CCDC32: variants seen among roughly 807,000 people sequenced by gnomAD.
CCDC32 encodes coiled-coil domain containing 32, also known as coiled-coil domain-containing protein 32.
CCDC32 carries 9 observed loss-of-function variants against 20.1 expected under a neutral mutation model. The ratio of observed to expected loss-of-function variants is 0.45; its 90% confidence interval spans 0.27 to 0.78. The LOEUF is 0.78. CCDC32 is among the 30% of genes least tolerant of loss of function. The pLI, the probability that CCDC32 is intolerant of heterozygous loss-of-function variation, is 0.16. For missense variants in CCDC32, 204 were observed against 215.5 expected, an observed-to-expected ratio of 0.95 and a Z score of 0.33; for synonymous variants, 63 against 79.0, an observed-to-expected ratio of 0.80 and a Z score of 1.07.
At chr15:40,528,722 G>T in exon 4 of CCDC32, 1 of 700,708 alleles carries the variant, frequency 1.4e-6, no homozygotes, top group Middle Eastern at 2.3e-4. Flanking sequence ...ACAAGCGAAT[G>T]GGAAACTTCT....
At chr15:40,558,099 T>G (rs1421136938) in intron 2 of CCDC32, 1 of 152,212 alleles carries the variant, frequency 6.6e-6, no homozygotes, top group Non-Finnish European at 1.5e-5. Flanking sequence ...GTTTAACAGA[T>G]TTCCCCTTTC....
At chr15:40,564,916 CG>C in intron 1 of CCDC32, 59 bp downstream of exon 1, 2 of 1,101,690 alleles carry the variant, frequency 1.8e-6, no homozygotes, top group Non-Finnish European at 2.7e-6. Flanking sequence ...TGTGGTATTC[CG>C]GGGCCGGGCC....
At chr15:40,526,992 C>T (rs72733469), downstream of CCDC32, among the ~76,000 whole-genome samples, 41,624 of 152,022 alleles carry the variant, frequency 0.27, 6,894 homozygotes, top group Middle Eastern at 0.37. Flanking sequence ...AGCAGTACAC[C>T]GATACAGGAG....
chr15:40,543,709 T>G (rs955565262), intron 3 of CCDC32, among the ~76,000 whole-genome samples: 1 of 152,112 alleles, frequency 6.6e-6, no homozygotes, highest in Non-Finnish European at 1.5e-5. Context: ...CACCTCAGCC[T>G]CCCAAAGTGC....
chr15:40,547,088 G>A (rs1200690597), intron 3 of CCDC32, among the ~76,000 whole-genome samples: 1 of 151,926 alleles, frequency 6.6e-6, no homozygotes, highest in Non-Finnish European at 1.5e-5. Context: ...TGGGAGTGGG[G>A]CTGCCTCTTC....
At chr15:40,559,483 T>C (rs547315677) in intron 2 of CCDC32, among the ~76,000 whole-genome samples, 20 of 152,312 alleles carry the variant, frequency 1.3e-4, no homozygotes, top group Non-Finnish European at 2.5e-4. Context: ...CTTCTCCTTA[T>C]CATCATTAAA....
chr15:40,535,319 T>A, downstream of CCDC32: 1 of 1,241,858 alleles, frequency 8.1e-7, no homozygotes, highest in Non-Finnish European at 1.0e-6. Flanking sequence ...GCCATTATCA[T>A]AGATCTCCAG....
downstream of CCDC32, chr15:40,535,348 T>C: frequency 1.7e-6 from 2 of 1,171,392 alleles, no homozygotes; most frequent in Non-Finnish European, 2.1e-6. Flanking sequence ...TAGCATCTGT[T>C]TTAAAGTCTG....
At chr15:40,532,415 C>A, downstream of CCDC32, 1 of 653,996 alleles carries the variant, frequency 1.5e-6, no homozygotes, top group South Asian at 1.7e-5. Flanking sequence ...GCTGCTACTG[C>A]CATGTAGCAA....
At chr15:40,530,852 T>C (rs1017126688), downstream of CCDC32, among the ~76,000 whole-genome samples, 3 of 151,118 alleles carry the variant, frequency 2.0e-5, 1 homozygote, top group Admixed American at 6.6e-5. Flanking sequence ...GCTGGGATTA[T>C]AGGCGTGCGC....
downstream of CCDC32, among the ~76,000 whole-genome samples, chr15:40,526,029 T>C (rs1320593232): frequency 6.6e-6 from 1 of 150,454 alleles, no homozygotes; most frequent in Non-Finnish European, 1.5e-5. Flanking sequence ...CCACTGAGAG[T>C]GCAGACGAAA....
At chr15:40,552,222 G>A (rs368236129), downstream of CCDC32, among the ~76,000 whole-genome samples, 32 of 151,616 alleles carry the variant, frequency 2.1e-4, 1 homozygote, top group South Asian at 3.1e-3. Flanking sequence ...TGGCTCATGC[G>A]TGTAATCCCA....
downstream of CCDC32, among the ~76,000 whole-genome samples, chr15:40,525,785 A>G (rs1894892925): frequency 1.3e-5 from 2 of 152,220 alleles, 1 homozygote; most frequent in Admixed American, 1.3e-4. Flanking sequence ...CTCAGGGAAT[A>G]CTGGGTGGCC....
At chr15:40,535,000 C>G, downstream of CCDC32, 1 of 703,934 alleles carries the variant, frequency 1.4e-6, no homozygotes, top group Non-Finnish European at 2.6e-6. Flanking sequence ...TTGATCTTCC[C>G]GAGCCCATGC....
chr15:40,539,690 T>C (rs1427440474), intron 3 of CCDC32, among the ~76,000 whole-genome samples: 2 of 152,092 alleles, frequency 1.3e-5, no homozygotes, highest in African/African-American at 4.8e-5. Flanking sequence ...GGAAATTTCC[T>C]TGCCCAATAG....
intron 3 of CCDC32, among the ~76,000 whole-genome samples, chr15:40,542,336 C>T (rs1281929372): frequency 6.6e-6 from 1 of 152,216 alleles, no homozygotes; most frequent in Non-Finnish European, 1.5e-5. Flanking sequence ...TTAAAGCCAA[C>T]CGGGTCTCTC....
At position 40,553,748 on chromosome 15, in the gene CCDC32, G is replaced by A. The variant is rs1156442888; in HGVS notation, c.*223C>T. The stretch of plus-strand genomic sequence containing the variant: ...GTGCACTGGGTCAGTCACTTCATCC[G>A]AGACAGTCACACATGCCAGCCCCAG... On this transcript the variant is annotated 3_prime_UTR_variant, in exon 4 of 4. Coordinates refer to ENST00000416810, the MANE Select transcript of CCDC32 (RefSeq NM_001080792.4). 9.6e-6 allele frequency: 13 copies of A among 1,351,996 alleles called. No individual in the cohort carries two copies. The highest frequency in any genetic ancestry group is 4.4e-5 in the African/African-American group (3 of 68,328). 83.7% of individuals were successfully genotyped at this position (1,351,996 alleles called of 1,614,324 possible).
downstream of CCDC32, chr15:40,539,030 G>T (rs938198143): frequency 1.7e-6 from 1 of 574,860 alleles, no homozygotes; most frequent in Non-Finnish European, 3.1e-6. Context: ...TCTGACTAAA[G>T]CCCTGTCTCT....
intron 2 of CCDC32, among the ~76,000 whole-genome samples, chr15:40,558,665 A>G (rs1530943): frequency 0.88 from 134,420 of 152,044 alleles, 59,726 homozygotes; most frequent in Non-Finnish European, 0.93. Context: ...CTCCCAGTCC[A>G]TGCCATAGGC....
Sources: gnomAD v4.1 joint callset for allele counts (sites outside exome capture counted in the v4.1 genomes callset) on GRCh38, gnomAD v4.1.1 for gene constraint, MANE v1.5 for transcripts, NCBI Gene and HGNC (gene_info 2026-07-23, HGNC 2026-07-21) for gene names.